GRIP1: variants seen among roughly 807,000 people sequenced by gnomAD.
The protein encoded by GRIP1 is glutamate receptor interacting protein 1.
Under a neutral mutation model 129.9 loss-of-function variants are expected in GRIP1, and 45 were observed. That is an observed-to-expected ratio of 0.35 (90% CI 0.27 to 0.44). GRIP1 has a LOEUF of 0.44. Ranked by LOEUF, GRIP1 falls within the 20% of genes least tolerant of loss-of-function variation. The pLI is 1.00. For synonymous variants in GRIP1, 530 were observed against 520.8 expected (o/e 1.02, Z -0.24); for missense variants, 1,196 against 1,396.8 (o/e 0.86, Z 2.29).
At chr12:66,916,526 T>C (rs1005441835) in intron 1 of GRIP1, among the ~76,000 whole-genome samples, 2 of 152,148 alleles carry the variant, frequency 1.3e-5, no homozygotes, top group African/African-American at 2.4e-5. Context: ...GTAAAGTGCC[T>C]TTCATGTTTA....
intron 1 of GRIP1, among the ~76,000 whole-genome samples, chr12:66,600,789 T>C (rs1040636445): frequency 5.9e-5 from 9 of 152,230 alleles, no homozygotes; most frequent in African/African-American, 1.7e-4. Flanking sequence ...TCGATGATCA[T>C]ATTAACAAGG....
chr12:66,806,899 G>C (rs1425445886), upstream of GRIP1, among the ~76,000 whole-genome samples: 1 of 151,896 alleles, frequency 6.6e-6, no homozygotes, highest in Non-Finnish European at 1.5e-5. Context: ...GTGCTGGGGA[G>C]GAGGAGTTCA....
At chr12:66,449,526 G>A (rs2058718860) in intron 11 of GRIP1, among the ~76,000 whole-genome samples, 1 of 152,146 alleles carries the variant, frequency 6.6e-6, no homozygotes, top group African/African-American at 2.4e-5. Flanking sequence ...TGCAGTGGGG[G>A]GTGAAGATAG....
At chr12:66,745,442 C>T (rs1328412529) in intron 1 of GRIP1, among the ~76,000 whole-genome samples, 1 of 152,016 alleles carries the variant, frequency 6.6e-6, no homozygotes, top group Non-Finnish European at 1.5e-5. Context: ...TATTCTATGC[C>T]CACTAGGTCC....
intron 1 of GRIP1, among the ~76,000 whole-genome samples, chr12:67,050,722 A>G (rs776308584): frequency 2.6e-5 from 4 of 152,116 alleles, no homozygotes; most frequent in Non-Finnish European, 5.9e-5. Flanking sequence ...GTTCTGAACT[A>G]CATTACCCTA....
chr12:66,584,315 A>C (rs1307006461), intron 2 of GRIP1, among the ~76,000 whole-genome samples: 1 of 151,914 alleles, frequency 6.6e-6, no homozygotes, highest in Non-Finnish European at 1.5e-5. Flanking sequence ...CTAGATGACG[A>C]GTTAGTGGGT....
chr12:66,437,290 T>C (rs562113140), intron 13 of GRIP1, among the ~76,000 whole-genome samples: 5 of 152,328 alleles, frequency 3.3e-5, no homozygotes, highest in African/African-American at 1.2e-4. Context: ...CTGAATCCAG[T>C]AGTTTCCAGT....
intron 1 of GRIP1, among the ~76,000 whole-genome samples, chr12:66,663,088 T>C (rs899243149): frequency 6.6e-6 from 1 of 152,162 alleles, no homozygotes; most frequent in East Asian, 1.9e-4. Flanking sequence ...TCACAGCAAC[T>C]TGATAATGTT....
At chr12:66,379,251 G>A in intron 20 of GRIP1, 29 bp downstream of exon 20, 2 of 1,608,554 alleles carry the variant, frequency 1.2e-6, no homozygotes, top group East Asian at 2.2e-5. Context: ...AGTCATCTTG[G>A]ATGAGGCAGC....
At chr12:66,637,060 C>T (rs2136062244) in intron 1 of GRIP1, among the ~76,000 whole-genome samples, 1 of 152,240 alleles carries the variant, frequency 6.6e-6, no homozygotes, top group East Asian at 1.9e-4. Flanking sequence ...GCCCATAACC[C>T]AGCCAGGCCG....
intron 1 of GRIP1, among the ~76,000 whole-genome samples, chr12:67,007,975 A>C (rs182905592): frequency 7.2e-5 from 11 of 152,328 alleles, no homozygotes; most frequent in Non-Finnish European, 1.3e-4. Context: ...AGGAAAATGA[A>C]ATAGGAACCC....
intron 7 of GRIP1, among the ~76,000 whole-genome samples, chr12:66,474,869 A>G (rs1446544813): frequency 6.6e-6 from 1 of 152,226 alleles, no homozygotes; most frequent in African/African-American, 2.4e-5. Context: ...AGCCACTGCA[A>G]AAACATGCCA....
intron 1 of GRIP1, among the ~76,000 whole-genome samples, chr12:66,877,150 C>T (rs2040397550): frequency 6.6e-6 from 1 of 151,976 alleles, no homozygotes; most frequent in Admixed American, 6.6e-5. Context: ...GTTGCCAATA[C>T]AACACACCTG....
At chr12:66,407,674 C>T (rs61925913) in intron 15 of GRIP1, among the ~76,000 whole-genome samples, 20,881 of 152,210 alleles carry the variant, frequency 0.14, 1,737 homozygotes, top group Non-Finnish European at 0.19. Context: ...AGGGGAATCA[C>T]CCATTCCGGT....
At chr12:66,952,650 CACTT>C (rs2137498046) in intron 1 of GRIP1, among the ~76,000 whole-genome samples, 1 of 152,226 alleles carries the variant, frequency 6.6e-6, no homozygotes. Flanking sequence ...TGGCAGAAAA[CACTT>C]ACTTTTTTTA....
intron 1 of GRIP1, among the ~76,000 whole-genome samples, chr12:66,642,013 C>T (rs190375287): frequency 8.5e-5 from 13 of 152,198 alleles, no homozygotes. Context: ...CCCTCAGTGC[C>T]AAGTTACAAT....
At chr12:66,982,738 C>A (rs1351826152) in intron 1 of GRIP1, among the ~76,000 whole-genome samples, 2 of 152,108 alleles carry the variant, frequency 1.3e-5, no homozygotes, top group African/African-American at 4.8e-5. Flanking sequence ...CAACTGATGC[C>A]CCGATTGTAG....
At chr12:66,457,026 C>T (rs571030153) in intron 9 of GRIP1, among the ~76,000 whole-genome samples, 14 of 151,940 alleles carry the variant, frequency 9.2e-5, no homozygotes, top group Non-Finnish European at 1.6e-4. Context: ...AAATATTTCA[C>T]GTTTTTATAT....
At chr12:66,526,508 C>T (rs1444038472) in intron 5 of GRIP1, among the ~76,000 whole-genome samples, 1 of 151,822 alleles carries the variant, frequency 6.6e-6, no homozygotes, top group Non-Finnish European at 1.5e-5. Context: ...CCCTTCCTTA[C>T]ACCTTATACA....
Sources: gnomAD v4.1 joint callset for allele counts (sites outside exome capture counted in the v4.1 genomes callset) on GRCh38, gnomAD v4.1.1 for gene constraint, MANE v1.5 for transcripts, NCBI Gene and HGNC (gene_info 2026-07-23, HGNC 2026-07-21) for gene names.